Variants in BANK1 observed in about 807,000 individuals in gnomAD.
BANK1 encodes B cell scaffold protein with ankyrin repeats 1.
BANK1 carries 95 observed loss-of-function variants against 94.5 expected under a neutral mutation model. That is an observed-to-expected ratio of 1.00 (90% CI 0.85 to 1.19). BANK1 has a LOEUF of 1.19. Among genes scored for constraint, BANK1 ranks in the 50% most tolerant of loss-of-function variants. The probability of loss-of-function intolerance (pLI) is 0.00; values close to 1 mark genes in which losing one functional copy is unlikely to be tolerated. For synonymous variants in BANK1, 334 were observed against 308.4 expected (o/e 1.08, Z -0.87); for missense variants, 987 against 932.2 (o/e 1.06, Z -0.77).
At chr4:101,885,775 C>G (rs1728827311) in intron 5 of BANK1, among the ~76,000 whole-genome samples, 1 of 152,202 alleles carries the variant, frequency 6.6e-6, no homozygotes, top group Non-Finnish European at 1.5e-5. Context: ...TAAGCAATTT[C>G]ATCATTGTGC....
At chr4:101,808,326 G>T (rs988808778) in intron 1 of BANK1, among the ~76,000 whole-genome samples, 1 of 152,020 alleles carries the variant, frequency 6.6e-6, no homozygotes, top group Non-Finnish European at 1.5e-5. Context: ...TATTGATATT[G>T]TCACCTACTA....
intron 7 of BANK1, among the ~76,000 whole-genome samples, chr4:101,924,167 G>T (rs902023276): frequency 1.3e-5 from 2 of 151,680 alleles, no homozygotes; most frequent in South Asian, 2.1e-4. Flanking sequence ...ATATTATTTA[G>T]AAAAACTGTC....
intron 4 of BANK1, among the ~76,000 whole-genome samples, chr4:101,869,145 A>G (rs1728186957): frequency 1.3e-5 from 2 of 151,920 alleles, no homozygotes; most frequent in East Asian, 3.8e-4. Flanking sequence ...TTTTCTTTCA[A>G]AAAGTTAACT....
intron 7 of BANK1, among the ~76,000 whole-genome samples, chr4:101,973,692 C>A (rs1362046620): frequency 6.6e-6 from 1 of 151,964 alleles, no homozygotes; most frequent in Non-Finnish European, 1.5e-5. Flanking sequence ...GAAAAAATCC[C>A]CAGAGTCACA....
At chr4:101,904,815 G>T (rs1722393545) in intron 6 of BANK1, among the ~76,000 whole-genome samples, 1 of 152,170 alleles carries the variant, frequency 6.6e-6, no homozygotes, top group South Asian at 2.1e-4. Flanking sequence ...TACTTCAGGG[G>T]CTTTATTAAC....
Position 102,059,733 on chromosome 4 carries a change from A to G in BANK1, c.1970-478A>G, listed in dbSNP as rs184255700. ...AAAATCTTTCAGAAATAAATTTTCA[A>G]ATGATCCTAAGCCTTTTGTGACATT... On this transcript the variant is annotated intron_variant, in intron 11 of 16. Transcript: ENST00000322953. Among the ~76,000 whole-genome samples the G allele has an allele frequency of 4.1e-3, 621 of 152,234 alleles. 3 individuals are homozygous for G. Among genetic ancestry groups the G allele is most frequent in the African/African-American group, 0.014 (578 of 41,564 alleles).
In BANK1 at chr4:101,994,161, C is replaced by A. The variant is rs534544410; in HGVS notation, c.1207-27353C>A. ...AAAAGTTGAGGAAAAATAAGTATGA[C>A]GTATTTTTTTCAGAGACTTTAACAA... On this transcript the variant is annotated intron_variant, in intron 7 of 16. Transcript: ENST00000322953. Among the ~76,000 whole-genome samples the A allele has an allele frequency of 8.9e-4, 135 of 152,232 alleles. 1 individual carries two copies. Among genetic ancestry groups the A allele is most frequent in the African/African-American group, 3.1e-3 (128 of 41,542 alleles).
intron 7 of BANK1, among the ~76,000 whole-genome samples, chr4:101,964,766 T>TTTA (rs898704777): frequency 2.0e-5 from 3 of 151,796 alleles, no homozygotes; most frequent in Non-Finnish European, 4.4e-5. Context: ...AGTATTCTTT[T>TTTA]TTATTATTAT....
chr4:102,066,092 T>C (rs537423752), intron 13 of BANK1, among the ~76,000 whole-genome samples: 2 of 152,160 alleles, frequency 1.3e-5, no homozygotes, highest in East Asian at 3.9e-4. Context: ...TTAGCATAAC[T>C]GTTAAAAGAA....
chr4:101,909,808 C>T (rs1722600064), intron 6 of BANK1, among the ~76,000 whole-genome samples: 1 of 152,096 alleles, frequency 6.6e-6, no homozygotes, highest in African/African-American at 2.4e-5. Flanking sequence ...TCAATCATAC[C>T]ATCATAAAAT....
At chr4:101,939,059 C>T (rs1723660883) in intron 7 of BANK1, among the ~76,000 whole-genome samples, 1 of 151,654 alleles carries the variant, frequency 6.6e-6, no homozygotes, top group African/African-American at 2.4e-5. Context: ...GCCAAAATCC[C>T]CATTCTTCCA....
intron 13 of BANK1, among the ~76,000 whole-genome samples, chr4:102,065,047 CAGCAACTTCTAGGGTATTGAA>C (rs1156770107): frequency 6.6e-6 from 1 of 152,132 alleles, no homozygotes; most frequent in African/African-American, 2.4e-5. Flanking sequence ...GCATGCAAGA[CAGCAACTTCTAGGGTATTGAA>C]AGCAAAAGAG....
At chr4:101,919,289 G>C (rs1215466789) in intron 7 of BANK1, among the ~76,000 whole-genome samples, 1 of 151,804 alleles carries the variant, frequency 6.6e-6, no homozygotes, top group African/African-American at 2.4e-5. Context: ...AATTTTCCCT[G>C]GAAGTCCTAG....
At chr4:101,914,555 G>A (rs962029658) in intron 6 of BANK1, among the ~76,000 whole-genome samples, 9 of 152,106 alleles carry the variant, frequency 5.9e-5, no homozygotes, top group Non-Finnish European at 1.0e-4. Flanking sequence ...TAAAGTAATC[G>A]AATAAGTCAA....
At chr4:101,871,421 C>A (rs1309701590) in intron 5 of BANK1, among the ~76,000 whole-genome samples, 2 of 151,900 alleles carry the variant, frequency 1.3e-5, no homozygotes. Context: ...AGGTTTTTAA[C>A]AAAACTGTCA....
intron 15 of BANK1, 103 bp downstream of exon 15, chr4:102,072,503 C>A: frequency 1.2e-6 from 1 of 814,670 alleles, no homozygotes; most frequent in Non-Finnish European, 2.0e-6. Flanking sequence ...GACATTCTAA[C>A]AGATATGAAC....
intron 6 of BANK1, among the ~76,000 whole-genome samples, chr4:101,916,022 G>A (rs1393922912): frequency 6.6e-6 from 1 of 151,962 alleles, no homozygotes; most frequent in Admixed American, 6.6e-5. Context: ...AATGAAAATT[G>A]TTGTTTCTTC....
intron 7 of BANK1, among the ~76,000 whole-genome samples, chr4:101,987,188 G>A (rs1725536061): frequency 6.6e-6 from 1 of 151,490 alleles, no homozygotes; most frequent in African/African-American, 2.4e-5. Flanking sequence ...CACTTTCCCA[G>A]TCCATGTAAG....
intron 10 of BANK1, among the ~76,000 whole-genome samples, chr4:102,042,916 G>C (rs552558455): frequency 5.3e-5 from 8 of 152,076 alleles, no homozygotes; most frequent in Admixed American, 3.3e-4. Flanking sequence ...GAAGTTCAAG[G>C]CTTCTCGGTT....
Sources: allele counts gnomAD v4.1 joint callset (sites outside exome capture counted in the v4.1 genomes callset), GRCh38; gene constraint gnomAD v4.1.1; transcripts MANE v1.5; gene names NCBI Gene and HGNC (gene_info 2026-07-23, HGNC 2026-07-21).